OXR1: variants seen among roughly 807,000 people sequenced by gnomAD.
OXR1 encodes the protein oxidation resistance protein 1.
A neutral mutation model predicts 104.6 loss-of-function variants in OXR1; 41 were observed. That is an observed-to-expected ratio of 0.39 (90% confidence interval 0.31 to 0.51). The LOEUF (loss-of-function observed/expected upper bound fraction) is 0.51. Among genes scored for constraint, OXR1 ranks in the 20% least tolerant of loss-of-function variants. The probability of loss-of-function intolerance (pLI) is 0.77; values close to 1 mark genes in which losing one functional copy is unlikely to be tolerated. For synonymous variants in OXR1, 348 were observed against 348.4 expected (o/e 1.00, Z 0.01); for missense variants, 955 against 1,031.9 (o/e 0.93, Z 1.02).
At chr8:106,311,553 A>G (rs1813700689) in intron 1 of OXR1, among the ~76,000 whole-genome samples, 1 of 152,156 alleles carries the variant, frequency 6.6e-6, no homozygotes, top group Non-Finnish European at 1.5e-5. Context: ...ACTCGTTCCT[A>G]CTAGACTATT....
intron 11 of OXR1, among the ~76,000 whole-genome samples, chr8:106,715,720 T>G (rs2131422879): frequency 6.6e-6 from 1 of 152,156 alleles, no homozygotes; most frequent in Non-Finnish European, 1.5e-5. Context: ...AATTGAGAGC[T>G]TTCTCTCCAT....
At chr8:106,592,017 ACT>A (rs1393178659) in intron 3 of OXR1, among the ~76,000 whole-genome samples, 2 of 152,152 alleles carry the variant, frequency 1.3e-5, no homozygotes, top group African/African-American at 4.8e-5. Context: ...CAAAATTAAC[ACT>A]GTCTGTCACC....
At chr8:106,515,640 G>A (rs1468431537) in intron 2 of OXR1, among the ~76,000 whole-genome samples, 1 of 151,992 alleles carries the variant, frequency 6.6e-6, no homozygotes, top group Non-Finnish European at 1.5e-5. Context: ...ATTCCGTTGT[G>A]TATACATGCA....
Position 106,706,885 on chromosome 8 carries a change from A to G in OXR1, c.1364A>G (p.Glu455Gly). The G allele has an allele frequency of 6.2e-7, 1 of 1,611,570 alleles. No individual in the cohort carries two copies. Among genetic ancestry groups the G allele is most frequent in the Non-Finnish European group, 8.5e-7 (1 of 1,179,532 alleles). The stretch of plus-strand genomic sequence containing the variant: ...TCAGACCAGGATTCTTTTCTTCATG[A>G]GAATTCGTTACACCAAGAAGAGAGT... ...GNSDQDSFLH[E>G]NSLHQEESQK... is the part of the protein sequence containing the mutation. The change falls in exon 9 of 17, where the codon GAG (glutamate) becomes GGG (glycine). Residue 455 changes from glutamate to glycine, a missense_variant. Transcript: ENST00000517566.
Position 106,567,972 on chromosome 8 carries a change from C to G in OXR1, c.220+48833C>G, listed in dbSNP as rs1389710850. Among the ~76,000 whole-genome samples, 4 of 152,046 alleles carry G rather than the reference C, an allele frequency of 2.6e-5. No homozygotes were observed. In the East Asian group the frequency reaches 7.7e-4, roughly 29 times the overall value. On this transcript the variant is annotated intron_variant, in intron 3 of 16. Transcript: ENST00000517566. ...ATGTTATAATCATTCCTCTTTAGTACTAGATGAATGTGAGCCTGAAAAAGT... is the reference window on the plus strand; with the variant it reads ...ATGTTATAATCATTCCTCTTTAGTAGTAGATGAATGTGAGCCTGAAAAAGT...
At chr8:106,721,802 C>G (rs1310911189) in intron 11 of OXR1, among the ~76,000 whole-genome samples, 1 of 152,058 alleles carries the variant, frequency 6.6e-6, no homozygotes, top group Non-Finnish European at 1.5e-5. Flanking sequence ...AGTGCTGTCC[C>G]TTTTAGTTAT....
At chr8:106,487,424 TTTG>T (rs1485320613) in intron 2 of OXR1, among the ~76,000 whole-genome samples, 7 of 148,798 alleles carry the variant, frequency 4.7e-5, no homozygotes, top group African/African-American at 1.2e-4. Flanking sequence ...CATGTGATAT[TTTG>T]TTTTTTTTAT....
chr8:106,693,490 C>T (rs543320241), intron 7 of OXR1, among the ~76,000 whole-genome samples: 2 of 132,616 alleles, frequency 1.5e-5, no homozygotes, highest in Admixed American at 8.8e-5. Context: ...AGTGCAATGG[C>T]GTGATCTCGG....
chr8:106,291,618 A>C (rs1422889314), intron 1 of OXR1, among the ~76,000 whole-genome samples: 2 of 152,204 alleles, frequency 1.3e-5, no homozygotes, highest in African/African-American at 4.8e-5. Context: ...TTCTATACAT[A>C]AATTTCATTA....
At chr8:106,655,710 A>G (rs1052084536) in intron 3 of OXR1, among the ~76,000 whole-genome samples, 14 of 152,204 alleles carry the variant, frequency 9.2e-5, no homozygotes, top group African/African-American at 3.1e-4. Flanking sequence ...TCAGACAACA[A>G]ATACAGAGAA....
intron 3 of OXR1, among the ~76,000 whole-genome samples, chr8:106,550,939 A>G (rs1278556320): frequency 1.1e-4 from 16 of 152,196 alleles, no homozygotes; most frequent in Admixed American, 1.0e-3. Flanking sequence ...TCAATTGTTT[A>G]TTCTAGAATG....
intron 2 of OXR1, among the ~76,000 whole-genome samples, chr8:106,441,217 A>G (rs775160118): frequency 2.0e-5 from 3 of 152,036 alleles, no homozygotes; most frequent in African/African-American, 7.2e-5. Context: ...CGAAGATCAG[A>G]TGGTTGTAGA....
chr8:106,278,824 A>G (rs1382993630), intron 1 of OXR1, among the ~76,000 whole-genome samples: 1 of 152,160 alleles, frequency 6.6e-6, no homozygotes, highest in Non-Finnish European at 1.5e-5. Flanking sequence ...TTATTTTAAA[A>G]TGTCTTAAAA....
chr8:106,738,194 C>T (rs1834577813), intron 12 of OXR1, among the ~76,000 whole-genome samples: 1 of 151,958 alleles, frequency 6.6e-6, no homozygotes, highest in Non-Finnish European at 1.5e-5. Context: ...ATTGAAAACT[C>T]ATTTTTAAGT....
At chr8:106,497,975 G>A (rs1318722330) in intron 2 of OXR1, among the ~76,000 whole-genome samples, 1 of 151,908 alleles carries the variant, frequency 6.6e-6, no homozygotes, top group Non-Finnish European at 1.5e-5. Context: ...CTGATTTATG[G>A]GATTAATTAA....
chr8:106,345,157 C>T (rs1815426124), intron 1 of OXR1, among the ~76,000 whole-genome samples: 1 of 152,178 alleles, frequency 6.6e-6, no homozygotes, highest in African/African-American at 2.4e-5. Flanking sequence ...AGAAAAGTGC[C>T]TGACACACAG....
At chr8:106,672,047 G>A (rs1827055524) in intron 3 of OXR1, among the ~76,000 whole-genome samples, 1 of 149,496 alleles carries the variant, frequency 6.7e-6, no homozygotes, top group Admixed American at 6.7e-5. Context: ...TTTATCTCTG[G>A]GATGACCACT....
chr8:106,626,230 G>T (rs892012559), intron 3 of OXR1, among the ~76,000 whole-genome samples: 2 of 151,348 alleles, frequency 1.3e-5, no homozygotes, highest in Non-Finnish European at 2.9e-5. Context: ...TTTTTAAAAA[G>T]ATATTATATA....
chr8:106,639,248 G>A (rs1291900652), intron 3 of OXR1, among the ~76,000 whole-genome samples: 3 of 151,982 alleles, frequency 2.0e-5, no homozygotes, highest in South Asian at 2.1e-4. Context: ...CTGATTGTGC[G>A]GCACCTAGCA....
Sources: gnomAD v4.1 joint callset for allele counts (sites outside exome capture counted in the v4.1 genomes callset) on GRCh38, gnomAD v4.1.1 for gene constraint, MANE v1.5 for transcripts, NCBI Gene and HGNC (gene_info 2026-07-23, HGNC 2026-07-21) for gene names.